Variants in UBAP1 observed in about 807,000 individuals in gnomAD.
UBAP1 encodes the protein ubiquitin-associated protein 1.
UBAP1 carries 5 observed loss-of-function variants against 39.0 expected under a neutral mutation model. The observed-to-expected ratio is 0.13, with a 90% CI of 0.07 to 0.27. The LOEUF is 0.27. Ranked by LOEUF, UBAP1 falls within the 10% of genes least tolerant of loss-of-function variation. The pLI is 1.00. For synonymous variants in UBAP1, 211 were observed against 225.1 expected, an observed-to-expected ratio of 0.94 and a Z score of 0.56; for missense variants, 490 against 608.1, an observed-to-expected ratio of 0.81 and a Z score of 2.04.
chr9:34,199,623 T>C (rs1185726323), intron 1 of UBAP1, among the ~76,000 whole-genome samples: 1 of 151,772 alleles, frequency 6.6e-6, no homozygotes, highest in Non-Finnish European at 1.5e-5. Context: ...TTTTCTTTCT[T>C]CTTCTTTTTT....
chr9:34,241,333 G>A lies in UBAP1; in HGVS notation c.308G>A (p.Ser103Asn). ...KSGPEGDSKMSFSKTHSTATM... is the reference protein window; with the variant it reads ...KSGPEGDSKMNFSKTHSTATM... ...GGCCCAGAGGGCGATAGCAAAATGA[G>A]CTTCTCCAAGACTCACAGTACAGCC... The change falls in exon 4 of 7, where the codon AGC (serine) becomes AAC (asparagine). Residue 103 changes from serine (S) to asparagine (N), a missense_variant. Physicochemically the swap from Ser to Asn is conservative, Grantham distance 46. This residue lies in a region of UBAP1 where 144 missense variants were observed against 184.4 expected (regional missense o/e 0.78). Transcript: ENST00000297661. 1 of 1,517,212 alleles carries A rather than the reference G, an allele frequency of 6.6e-7. No individual in the cohort carries two copies. Among genetic ancestry groups the A allele is most frequent in the Non-Finnish European group, 8.8e-7 (1 of 1,133,896 alleles). 94.0% of individuals were successfully genotyped at this position (1,517,212 alleles called of 1,614,324 possible).
At chr9:34,232,167 G>A (rs1233341008) in intron 2 of UBAP1, among the ~76,000 whole-genome samples, 1 of 152,092 alleles carries the variant, frequency 6.6e-6, no homozygotes, top group Non-Finnish European at 1.5e-5. Context: ...GTGCAGTTTT[G>A]TATTTTCAGT....
At chr9:34,246,197 G>C (rs888034170) in intron 4 of UBAP1, among the ~76,000 whole-genome samples, 2 of 152,146 alleles carry the variant, frequency 1.3e-5, no homozygotes, top group African/African-American at 4.8e-5. Context: ...CTTCTGGGTA[G>C]CTGGGACTAC....
Position 34,234,313 on chromosome 9 carries a change from T to C in UBAP1, c.132T>C (p.Asp44=). The C allele has an allele frequency of 1.2e-6, 2 of 1,608,662 alleles. No homozygotes were observed. Among genetic ancestry groups the C allele is most frequent in the Non-Finnish European group, 1.7e-6 (2 of 1,178,924 alleles). Reference sequence around the variant, plus strand: ...TACCTATTGGCTTCTCCTTGCCTGATTGTTTGCAGGTTGTCAGAGAAGTAC... The same window carrying C: ...TACCTATTGGCTTCTCCTTGCCTGACTGTTTGCAGGTTGTCAGAGAAGTAC... ...VGLPIGFSLP[D]CLQVVREVQY... Residue 44 remains aspartate, a synonymous_variant, in exon 3 of 7, where the codon GAT becomes GAC. Coordinates refer to ENST00000297661, the MANE Select transcript of UBAP1 (RefSeq NM_016525.5).
intron 2 of UBAP1, 23 bp from the exon 3 acceptor site, chr9:34,234,193 T>C: frequency 6.3e-7 from 1 of 1,583,978 alleles, no homozygotes; most frequent in Non-Finnish European, 8.5e-7. Flanking sequence ...TGCTGATATT[T>C]TCTACTTTAT....
rs147186490 is a variant in UBAP1 at position 34,201,867 on chromosome 9, G to A, written c.-7-19041G>A. On this transcript the variant is annotated intron_variant, in intron 1 of 6. Transcript: ENST00000297661. ...GACCACCAGCTTCACTCATGTCAGG[G>A]TTCCCTCGGTCCTCTCTTTAGGTTT... 4.9e-4 allele frequency among the ~76,000 whole-genome samples: 75 copies of A among 152,256 alleles called. No individual in the cohort carries two copies. The East Asian group carries it at 0.014, about 29-fold the overall frequency.
At chr9:34,226,464 T>G (rs891762319) in intron 2 of UBAP1, among the ~76,000 whole-genome samples, 1 of 152,086 alleles carries the variant, frequency 6.6e-6, no homozygotes, top group African/African-American at 2.4e-5. Flanking sequence ...TTTGAACTCT[T>G]GACCTCAGGT....
intron 1 of UBAP1, among the ~76,000 whole-genome samples, chr9:34,196,776 G>C (rs946626843): frequency 1.3e-5 from 2 of 151,956 alleles, no homozygotes; most frequent in African/African-American, 4.8e-5. Context: ...TGAGTCTGCT[G>C]TTGAAATTCT....
At chr9:34,219,607 C>T (rs1049955621) in intron 1 of UBAP1, among the ~76,000 whole-genome samples, 1 of 151,748 alleles carries the variant, frequency 6.6e-6, no homozygotes, top group African/African-American at 2.4e-5. Flanking sequence ...CTTTTTGCCT[C>T]ATACTTATTG....
intron 2 of UBAP1, among the ~76,000 whole-genome samples, chr9:34,230,828 C>G (rs1159474793): frequency 6.6e-6 from 1 of 152,066 alleles, no homozygotes; most frequent in East Asian, 1.9e-4. Flanking sequence ...CTGTTAAAAA[C>G]ATTTTCATGA....
chr9:34,248,299 G>A (rs1834282037), intron 4 of UBAP1, among the ~76,000 whole-genome samples: 1 of 152,176 alleles, frequency 6.6e-6, no homozygotes, highest in South Asian at 2.1e-4. Flanking sequence ...CTCCCAAAGT[G>A]CTGGGATTAC....
At chr9:34,179,024 G>T (rs1587763713), upstream of UBAP1, 8 of 1,259,930 alleles carry the variant, frequency 6.3e-6, no homozygotes, top group East Asian at 2.2e-4. Context: ...AATGAGTGGG[G>T]CGGTGAGGGG....
chr9:34,187,155 G>A (rs1346232255), intron 1 of UBAP1, among the ~76,000 whole-genome samples: 2 of 152,156 alleles, frequency 1.3e-5, no homozygotes, highest in Non-Finnish European at 2.9e-5. Flanking sequence ...TGATCCACCC[G>A]CCTGGGCCTC....
intron 2 of UBAP1, among the ~76,000 whole-genome samples, chr9:34,225,651 G>T (rs550875179): frequency 1.3e-5 from 2 of 151,832 alleles, no homozygotes; most frequent in South Asian, 4.2e-4. Flanking sequence ...ATGGTGGCTG[G>T]TGCCTGTAGT....
chr9:34,186,515 C>T (rs1354327608), intron 1 of UBAP1, among the ~76,000 whole-genome samples: 1 of 152,106 alleles, frequency 6.6e-6, no homozygotes, highest in Non-Finnish European at 1.5e-5. Context: ...TGCTTCACTT[C>T]CTCCTCAACA....
intron 4 of UBAP1, among the ~76,000 whole-genome samples, chr9:34,247,315 G>T (rs1041642565): frequency 6.6e-6 from 1 of 152,010 alleles, no homozygotes; most frequent in Non-Finnish European, 1.5e-5. Context: ...TCATCTGTTA[G>T]GATAGATGAT....
intron 1 of UBAP1, 108 bp from the exon 2 acceptor site, chr9:34,220,800 T>G: frequency 1.1e-6 from 1 of 871,586 alleles, no homozygotes; most frequent in African/African-American, 1.7e-5. Flanking sequence ...GTGAGGATTC[T>G]GTCAGCCCTA....
At chr9:34,237,272 TA>T in intron 3 of UBAP1, among the ~76,000 whole-genome samples, 1 of 152,308 alleles carries the variant, frequency 6.6e-6, no homozygotes, top group Non-Finnish European at 1.5e-5. Flanking sequence ...GCCCTCAAGG[TA>T]CTTACAGTTG....
At chr9:34,213,136 G>C (rs1832108552) in intron 1 of UBAP1, among the ~76,000 whole-genome samples, 1 of 152,118 alleles carries the variant, frequency 6.6e-6, no homozygotes, top group African/African-American at 2.4e-5. Context: ...AAAAGCATTT[G>C]ACAAAATCCA....
Sources: gnomAD v4.1 joint callset for allele counts (sites outside exome capture counted in the v4.1 genomes callset) on GRCh38, gnomAD v4.1.1 for gene constraint, gnomAD v4.1.1 regional missense constraint, MANE v1.5 for transcripts, NCBI Gene and HGNC (gene_info 2026-07-23, HGNC 2026-07-21) for gene names.